Variants in WDR41 observed in about 807,000 individuals in gnomAD.
WDR41 encodes WD repeat domain 41, also known as WD repeat-containing protein 41.
Under a neutral mutation model 69.3 loss-of-function variants are expected in WDR41, and 63 were observed. The observed-to-expected ratio is 0.91, with a 90% CI of 0.74 to 1.12. The LOEUF (loss-of-function observed/expected upper bound fraction) is 1.12, where lower values mean the gene tolerates loss of function less well. Ranked by LOEUF, WDR41 falls within the 50% of genes most tolerant of loss-of-function variation. WDR41 has a pLI of 0.00. For missense variants in WDR41, 543 were observed against 534.5 expected (o/e 1.02, Z -0.16); for synonymous variants, 185 against 192.1 (o/e 0.96, Z 0.31).
intron 6 of WDR41, chr5:77,452,203 T>G (rs886636491): frequency 5.9e-5 from 9 of 152,342 alleles, no homozygotes; most frequent in African/African-American, 1.9e-4. Context: ...ACAGTAGGTT[T>G]TGTATTTTCC....
chr5:77,508,143 A>G (rs1802140602), intron 1 of WDR41, among the ~76,000 whole-genome samples: 3 of 151,784 alleles, frequency 2.0e-5, no homozygotes, highest in Admixed American at 2.0e-4. Flanking sequence ...TTTTGGAGAC[A>G]GGGTGTTACT....
At chr5:77,617,700 G>A (rs916396207) in intron 1 of WDR41, among the ~76,000 whole-genome samples, 1 of 152,170 alleles carries the variant, frequency 6.6e-6, no homozygotes, top group African/African-American at 2.4e-5. Flanking sequence ...CGTGTCAAAG[G>A]ATTGAAAGGG....
At chr5:77,506,228 G>A (rs1466161834) in intron 1 of WDR41, among the ~76,000 whole-genome samples, 2 of 152,174 alleles carry the variant, frequency 1.3e-5, no homozygotes, top group East Asian at 3.9e-4. Context: ...GTGGGCAAAG[G>A]ATATGAACAG....
intron 1 of WDR41, among the ~76,000 whole-genome samples, chr5:77,593,329 G>C (rs1008018276): frequency 2.6e-5 from 4 of 152,130 alleles, no homozygotes; most frequent in Non-Finnish European, 4.4e-5. Context: ...GAGGGAAAGA[G>C]AGTGAGATTT....
At chr5:77,450,506 T>A (rs926670658) in intron 7 of WDR41, among the ~76,000 whole-genome samples, 2 of 152,208 alleles carry the variant, frequency 1.3e-5, no homozygotes, top group African/African-American at 4.8e-5. Context: ...AAATCCTAAC[T>A]TTAATCAATA....
intron 1 of WDR41, among the ~76,000 whole-genome samples, chr5:77,581,882 A>C (rs1003462947): frequency 3.9e-5 from 6 of 152,240 alleles, no homozygotes; most frequent in Non-Finnish European, 8.8e-5. Flanking sequence ...GCAAAAGCCC[A>C]CATTAAAGAA....
At chr5:77,559,412 T>A (rs1743478213) in intron 1 of WDR41, among the ~76,000 whole-genome samples, 1 of 152,156 alleles carries the variant, frequency 6.6e-6, no homozygotes, top group African/African-American at 2.4e-5. Context: ...TGATTGTTAA[T>A]AATTACTGTG....
intron 2 of WDR41, among the ~76,000 whole-genome samples, chr5:77,484,500 T>TA (rs1360337277): frequency 6.6e-6 from 1 of 152,192 alleles, no homozygotes; most frequent in Non-Finnish European, 1.5e-5. Flanking sequence ...ATAAGTGCTT[T>TA]AAAAAAATGC....
chr5:77,549,985 A>G (rs1216813708), intron 1 of WDR41, among the ~76,000 whole-genome samples: 3 of 152,156 alleles, frequency 2.0e-5, no homozygotes, highest in Non-Finnish European at 4.4e-5. Context: ...ACAAAAATAA[A>G]CAATGGATAA....
intron 7 of WDR41, 100 bp from the exon 8 acceptor site, chr5:77,449,970 T>C (rs960168222): frequency 2.4e-5 from 19 of 779,716 alleles, no homozygotes; most frequent in Non-Finnish European, 3.5e-5. Context: ...GAAAAATACC[T>C]ACCATACTGA....
At chr5:77,580,352 C>G (rs1042229165) in intron 1 of WDR41, among the ~76,000 whole-genome samples, 1 of 152,096 alleles carries the variant, frequency 6.6e-6, no homozygotes, top group African/African-American at 2.4e-5. Context: ...GGGAAAGCCC[C>G]TTATAAAACC....
chr5:77,608,728 G>A (rs534186169), intron 1 of WDR41, among the ~76,000 whole-genome samples: 19 of 152,288 alleles, frequency 1.2e-4, no homozygotes, highest in African/African-American at 3.6e-4. Context: ...CGTGAGTGAC[G>A]CAGAAGATGG....
chr5:77,507,038 TA>T (rs1371897244), intron 1 of WDR41, among the ~76,000 whole-genome samples: 1 of 152,110 alleles, frequency 6.6e-6, no homozygotes, highest in African/African-American at 2.4e-5. Flanking sequence ...AGTATAATTT[TA>T]AAAAAAGAAA....
chr5:77,567,237 C>G (rs1016056133), intron 1 of WDR41, among the ~76,000 whole-genome samples: 1 of 152,052 alleles, frequency 6.6e-6, no homozygotes, highest in Non-Finnish European at 1.5e-5. Context: ...TAATTTTAGT[C>G]AAGGTATTAA....
chr5:77,549,407 G>A (rs1743257083), intron 1 of WDR41, among the ~76,000 whole-genome samples: 1 of 152,206 alleles, frequency 6.6e-6, no homozygotes, highest in African/African-American at 2.4e-5. Context: ...CTCCGGGAAA[G>A]TTTCAGGACA....
chr5:77,523,377 A>G (rs1802401279), intron 1 of WDR41, among the ~76,000 whole-genome samples: 1 of 152,112 alleles, frequency 6.6e-6, no homozygotes, highest in Non-Finnish European at 1.5e-5. Context: ...TTTTATATTT[A>G]CCAAGTGCTT....
chr5:77,495,163 T>C (rs764750138), upstream of WDR41, among the ~76,000 whole-genome samples: 2 of 152,042 alleles, frequency 1.3e-5, no homozygotes, highest in Non-Finnish European at 2.9e-5. Context: ...TAGGTATAAA[T>C]GTCTACATTA....
At chr5:77,540,032 A>C (rs1270610072) in intron 1 of WDR41, among the ~76,000 whole-genome samples, 1 of 152,218 alleles carries the variant, frequency 6.6e-6, no homozygotes, top group Non-Finnish European at 1.5e-5. Flanking sequence ...GTAAAACATA[A>C]GCAATCTTTA....
intron 1 of WDR41, among the ~76,000 whole-genome samples, chr5:77,597,924 T>C (rs1406230598): frequency 6.6e-6 from 1 of 152,170 alleles, no homozygotes; most frequent in Admixed American, 6.5e-5. Flanking sequence ...TGATGGGAAA[T>C]ACGCCACATT....
Sources: gnomAD v4.1 joint callset for allele counts (sites outside exome capture counted in the v4.1 genomes callset) on GRCh38, gnomAD v4.1.1 for gene constraint, MANE v1.5 for transcripts, NCBI Gene and HGNC (gene_info 2026-07-23, HGNC 2026-07-21) for gene names.